Variants in CD163L1 observed in about 807,000 individuals in gnomAD.
CD163L1 encodes the protein CD163 molecule like 1.
Under a neutral mutation model 165.4 loss-of-function variants are expected in CD163L1, and 124 were observed. The observed-to-expected ratio is 0.75, with a 90% CI of 0.65 to 0.87. CD163L1 has a LOEUF of 0.87. Among genes scored for constraint, CD163L1 ranks in the 40% least tolerant of loss-of-function variants. The pLI, the probability that CD163L1 is intolerant of heterozygous loss-of-function variation, is 0.00. For missense variants in CD163L1, 1,525 were observed against 1,799.9 expected, an observed-to-expected ratio of 0.85 and a Z score of 2.76; for synonymous variants, 585 against 662.2, an observed-to-expected ratio of 0.88 and a Z score of 1.79.
At chr12:7,364,275 G>C (rs982880602) in intron 18 of CD163L1, among the ~76,000 whole-genome samples, 3 of 152,118 alleles carry the variant, frequency 2.0e-5, no homozygotes, top group Non-Finnish European at 2.9e-5. Context: ...ACTGGGTATA[G>C]AAGGATCATA....
intron 6 of CD163L1, among the ~76,000 whole-genome samples, chr12:7,401,985 T>G (rs993210257): frequency 6.6e-6 from 1 of 152,008 alleles, no homozygotes; most frequent in Non-Finnish European, 1.5e-5. Context: ...TCTACCAAAT[T>G]GATCACACTA....
At chr12:7,422,017 T>C (rs1681610688) in intron 4 of CD163L1, among the ~76,000 whole-genome samples, 3 of 152,098 alleles carry the variant, frequency 2.0e-5, no homozygotes, top group South Asian at 2.1e-4. Context: ...TAACAGGGAT[T>C]GACAGACACC....
chr12:7,366,245 A>T (rs1947018725), intron 18 of CD163L1, among the ~76,000 whole-genome samples: 1 of 151,738 alleles, frequency 6.6e-6, no homozygotes, highest in African/African-American at 2.4e-5. Context: ...GAGGCCGGAA[A>T]GGGTAGGGGA....
intron 2 of CD163L1, chr12:7,439,951 G>A: frequency 1.3e-6 from 2 of 1,579,238 alleles, no homozygotes; most frequent in South Asian, 1.2e-5. Flanking sequence ...TGACACAGGG[G>A]CTGCGGTCAC....
chr12:7,421,038 T>TGTATATATGTATATAC (rs1565808701), intron 4 of CD163L1, among the ~76,000 whole-genome samples: 37 of 96,432 alleles, frequency 3.8e-4, no homozygotes, highest in African/African-American at 2.5e-3. Flanking sequence ...TATATATACG[T>TGTATATATGTATATAC]GTATATATAT....
downstream of CD163L1, among the ~76,000 whole-genome samples, chr12:7,350,993 C>G (rs937484006): frequency 6.6e-6 from 1 of 152,052 alleles, no homozygotes; most frequent in African/African-American, 2.4e-5. Context: ...AGTTCACATT[C>G]AAATATTGCC....
At chr12:7,324,346 G>C in the CD163L1 span, 1 of 1,614,140 alleles carries the variant, frequency 6.2e-7, no homozygotes, top group South Asian at 1.1e-5. Context: ...GTGATGGACA[G>C]TGATGGGTAT....
chr12:7,440,184 C>G (rs1030852076), intron 2 of CD163L1, among the ~76,000 whole-genome samples: 2 of 152,240 alleles, frequency 1.3e-5, no homozygotes, highest in Non-Finnish European at 2.9e-5. Flanking sequence ...GGTAGCCGGC[C>G]AGGGCGGACA....
In CD163L1 at chr12:7,421,057, G is replaced by GTATATATATACACGTA. The variant is rs772067194; in HGVS notation, c.766+11358_766+11359insTACGTGTATATATATA. Among the ~76,000 whole-genome samples, 528 of 79,300 alleles carry GTATATATATACACGTA rather than the reference G, an allele frequency of 6.7e-3. 1 individual carries two copies. The highest frequency in any genetic ancestry group is 0.012 in the Admixed American group (65 of 5,356). 52.0% of individuals were successfully genotyped at this position (79,300 alleles called of 152,430 possible). ...TATACGTGTATATATATGTATATAC[G>GTATATATATACACGTA]TATATATGTATATATACGTATATAT... On this transcript the variant is annotated intron_variant, in intron 4 of 19. Transcript: ENST00000313599.
At chr12:7,362,610 T>C (rs980738827) in intron 18 of CD163L1, among the ~76,000 whole-genome samples, 3 of 144,860 alleles carry the variant, frequency 2.1e-5, no homozygotes, top group Non-Finnish European at 3.0e-5. Flanking sequence ...TTATAGCTTA[T>C]TATAATATAG....
chr12:7,421,472 T>TACATATATGTACATATATACATATATAC (rs1948400580), intron 4 of CD163L1, among the ~76,000 whole-genome samples: 1 of 106,652 alleles, frequency 9.4e-6, no homozygotes, highest in African/African-American at 3.5e-5. Context: ...TACATATATA[T>TACATATATGTACATATATACATATATAC]ACATATATGT....
Position 7,398,239 on chromosome 12 carries a change from A to G in CD163L1, c.1729+25T>C. 6.3e-7 allele frequency: 1 copy of G among 1,589,436 alleles called. No homozygotes were observed. The highest frequency in any genetic ancestry group is 2.2e-5 in the East Asian group (1 of 44,666). On this transcript the variant is annotated intron_variant, in intron 7 of 19. Transcript: ENST00000313599. The surrounding 1 kb of genome is among the most constrained non-coding windows in gnomAD (Gnocchi z 4.5). ...AGGAATACTATTTCTCTTATCAGGA[A>G]ATAATAAACAAGAACAAGTCTTACC...
intron 4 of CD163L1, among the ~76,000 whole-genome samples, chr12:7,420,136 G>C (rs1409525333): frequency 6.6e-6 from 1 of 151,996 alleles, no homozygotes; most frequent in Non-Finnish European, 1.5e-5. Context: ...AATGGTACTG[G>C]GATAATTGGC....
the CD163L1 span, among the ~76,000 whole-genome samples, chr12:7,338,080 C>A: frequency 5.3e-5 from 8 of 152,136 alleles, no homozygotes; most frequent in Non-Finnish European, 8.8e-5. Context: ...AAACTGAACA[C>A]CGCATGTTCT....
chr12:7,377,905 A>C (rs1317514778), intron 9 of CD163L1, among the ~76,000 whole-genome samples: 1 of 152,224 alleles, frequency 6.6e-6, no homozygotes, highest in Non-Finnish European at 1.5e-5. Context: ...TCCTAGATTT[A>C]GTTTCCGTCT....
At chr12:7,323,475 G>T in the CD163L1 span, 1 of 1,613,780 alleles carries the variant, frequency 6.2e-7, no homozygotes, top group Non-Finnish European at 8.5e-7. Context: ...GATGAAAATG[G>T]CAATGTTCTA....
chr12:7,439,146 A>G, intron 2 of CD163L1: 1 of 1,576,708 alleles, frequency 6.3e-7, no homozygotes, highest in South Asian at 1.2e-5. Context: ...CTGCTGTCGG[A>G]ATGTAGCCCT....
Position 7,421,540 on chromosome 12 carries a change from TACAC to T in CD163L1, c.766+10872_766+10875del, listed in dbSNP as rs367845128. The stretch of plus-strand genomic sequence containing the variant: ...ATATATGTACATATATACATATACG[TACAC>T]ATATACATATACATATATGTACATA... On this transcript the variant is annotated intron_variant, in intron 4 of 19. Coordinates refer to ENST00000313599, the MANE Select transcript of CD163L1 (RefSeq NM_174941.6). Among the ~76,000 whole-genome samples the T allele has an allele frequency of 2.4e-3, 223 of 93,750 alleles. 2 individuals carry two copies. The highest frequency in any genetic ancestry group is 0.01 in the African/African-American group (201 of 19,628). 61.5% of individuals were successfully genotyped at this position (93,750 alleles called of 152,430 possible). A position where few individuals can be genotyped will look rare whatever the true frequency, so the allele number is the denominator to read the frequency against.
At chr12:7,329,965 T>C in the CD163L1 span, among the ~76,000 whole-genome samples, 1 of 152,200 alleles carries the variant, frequency 6.6e-6, no homozygotes, top group African/African-American at 2.4e-5. Flanking sequence ...TCTGTAGGCA[T>C]ATGGCTAATT....
Sources: gnomAD v4.1 joint callset for allele counts (sites outside exome capture counted in the v4.1 genomes callset) on GRCh38, gnomAD v4.1.1 for gene constraint, Gnocchi (gnomAD v3.1) non-coding constraint, MANE v1.5 for transcripts, NCBI Gene and HGNC (gene_info 2026-07-23, HGNC 2026-07-21) for gene names.